RAVER2: variants seen among roughly 807,000 people sequenced by gnomAD.
The protein encoded by RAVER2 is ribonucleoprotein, PTB binding 2.
Under a neutral mutation model 78.1 loss-of-function variants are expected in RAVER2, and 46 were observed. That is an observed-to-expected ratio of 0.59 (90% CI 0.46 to 0.75). RAVER2 has a LOEUF of 0.75. Ranked by LOEUF, RAVER2 falls within the 30% of genes least tolerant of loss-of-function variation. The pLI is 0.00. For missense variants in RAVER2, 793 were observed against 837.5 expected (o/e 0.95, Z 0.66); for synonymous variants, 311 against 313.3 (o/e 0.99, Z 0.08).
At chr1:64,754,580 A>C (rs1001950284) in intron 1 of RAVER2, among the ~76,000 whole-genome samples, 1 of 152,186 alleles carries the variant, frequency 6.6e-6, no homozygotes, top group African/African-American at 2.4e-5. Context: ...ATAATTATTC[A>C]ATCAGTCAAC....
intron 5 of RAVER2, among the ~76,000 whole-genome samples, chr1:64,798,619 C>A (rs186400654): frequency 2.3e-3 from 354 of 152,210 alleles, no homozygotes; most frequent in Non-Finnish European, 4.1e-3. Context: ...AGGGAAGAGA[C>A]TTCTATTAAT....
intron 9 of RAVER2, 44 bp downstream of exon 9, chr1:64,807,518 A>G: frequency 6.5e-7 from 1 of 1,541,190 alleles, no homozygotes; most frequent in Non-Finnish European, 8.8e-7. Context: ...ATACATGTAT[A>G]TGTATATATA....
At chr1:64,791,826 T>A (rs1652950575) in intron 5 of RAVER2, among the ~76,000 whole-genome samples, 1 of 152,220 alleles carries the variant, frequency 6.6e-6, no homozygotes, top group Non-Finnish European at 1.5e-5. Flanking sequence ...TGGTTCCACC[T>A]CTGAAGAAAT....
intron 1 of RAVER2, among the ~76,000 whole-genome samples, chr1:64,757,222 G>A (rs1651879391): frequency 6.6e-6 from 1 of 152,134 alleles, no homozygotes; most frequent in Admixed American, 6.6e-5. Flanking sequence ...TGTAGTTTCT[G>A]TGCTCCAGCC....
chr1:64,763,564 A>C (rs1447061194), intron 1 of RAVER2, among the ~76,000 whole-genome samples: 1 of 152,082 alleles, frequency 6.6e-6, no homozygotes, highest in South Asian at 2.1e-4. Context: ...TAAGTGTGCA[A>C]ATTGGTTACA....
chr1:64,751,886 C>G (rs1651708414), intron 1 of RAVER2, among the ~76,000 whole-genome samples: 1 of 151,902 alleles, frequency 6.6e-6, no homozygotes, highest in African/African-American at 2.4e-5. Flanking sequence ...ATTTTTAAAT[C>G]CTAAAATTGC....
chr1:64,829,147 C>T (rs1452017013), intron 11 of RAVER2, among the ~76,000 whole-genome samples: 1 of 152,194 alleles, frequency 6.6e-6, no homozygotes, highest in African/African-American at 2.4e-5. Context: ...AATTTCCTAT[C>T]TGGCTTCTGA....
chr1:64,757,978 A>G (rs1484774656), intron 1 of RAVER2, among the ~76,000 whole-genome samples: 2 of 152,054 alleles, frequency 1.3e-5, no homozygotes, highest in East Asian at 1.9e-4. Flanking sequence ...ACCGCTGCAG[A>G]TGCTTGCCCC....
At chr1:64,817,086 G>A (rs1460199254) in intron 11 of RAVER2, among the ~76,000 whole-genome samples, 1 of 152,134 alleles carries the variant, frequency 6.6e-6, no homozygotes, top group Non-Finnish European at 1.5e-5. Context: ...ATCAAAAAGT[G>A]GGCAAAAGAT....
intron 11 of RAVER2, among the ~76,000 whole-genome samples, chr1:64,823,241 A>G (rs1234854509): frequency 2.0e-5 from 3 of 152,222 alleles, no homozygotes; most frequent in Non-Finnish European, 4.4e-5. Context: ...GTAGTTAGTT[A>G]TGAGCAAACA....
At chr1:64,769,299 T>G (rs769256335) in intron 2 of RAVER2, among the ~76,000 whole-genome samples, 4 of 151,898 alleles carry the variant, frequency 2.6e-5, no homozygotes, top group African/African-American at 9.7e-5. Context: ...GTAGATCTGT[T>G]GAATTTCTTC....
intron 9 of RAVER2, 101 bp downstream of exon 9, chr1:64,807,575 CTT>C: frequency 8.5e-7 from 1 of 1,181,462 alleles, no homozygotes; most frequent in Non-Finnish European, 1.1e-6. Context: ...GAAATGATGA[CTT>C]TTTCATAGTT....
intron 11 of RAVER2, among the ~76,000 whole-genome samples, chr1:64,822,720 C>A (rs1570585066): frequency 6.6e-6 from 1 of 152,124 alleles, no homozygotes; most frequent in Non-Finnish European, 1.5e-5. Context: ...TGTGTCTGTA[C>A]ACAAATGTGT....
chr1:64,792,356 C>G (rs1226627384), intron 5 of RAVER2, among the ~76,000 whole-genome samples: 1 of 152,154 alleles, frequency 6.6e-6, no homozygotes, highest in Non-Finnish European at 1.5e-5. Flanking sequence ...GTGGGATTTC[C>G]TTCCTATTAT....
At chr1:64,750,875 C>G (rs971068702) in intron 1 of RAVER2, among the ~76,000 whole-genome samples, 1 of 152,166 alleles carries the variant, frequency 6.6e-6, no homozygotes, top group Admixed American at 6.5e-5. Context: ...GGTTCTACTT[C>G]TTTTTCATGT....
At chr1:64,748,387 A>G (rs761515914) in intron 1 of RAVER2, among the ~76,000 whole-genome samples, 3 of 152,188 alleles carry the variant, frequency 2.0e-5, no homozygotes, top group Non-Finnish European at 4.4e-5. Context: ...CTCCTTCTGC[A>G]TGCTACTTCC....
At chr1:64,748,648 A>T (rs1651610127) in intron 1 of RAVER2, among the ~76,000 whole-genome samples, 1 of 151,856 alleles carries the variant, frequency 6.6e-6, no homozygotes, top group Admixed American at 6.6e-5. Context: ...TTAACTCCCA[A>T]TTTTTTTTCA....
intron 11 of RAVER2, among the ~76,000 whole-genome samples, chr1:64,828,912 A>G (rs1654060202): frequency 6.6e-6 from 1 of 152,326 alleles, no homozygotes; most frequent in East Asian, 1.9e-4. Context: ...ACATTGGTGT[A>G]ATCATACCAT....
intron 1 of RAVER2, among the ~76,000 whole-genome samples, chr1:64,758,948 TTG>T (rs1271183455): frequency 6.7e-6 from 1 of 149,754 alleles, no homozygotes; most frequent in African/African-American, 2.5e-5. Context: ...GGAGGAGAGA[TTG>T]TGATTTATGT....
Sources: allele counts gnomAD v4.1 joint callset (sites outside exome capture counted in the v4.1 genomes callset), GRCh38; gene constraint gnomAD v4.1.1; transcripts MANE v1.5; gene names NCBI Gene and HGNC (gene_info 2026-07-23, HGNC 2026-07-21).